ZNF763: variants seen among roughly 807,000 people sequenced by gnomAD.
ZNF763 encodes zinc finger protein 763, also known as DNA-binding protein.
Under a neutral mutation model 38.0 loss-of-function variants are expected in ZNF763, and 33 were observed. That is an observed-to-expected ratio of 0.87 (90% CI 0.66 to 1.16). ZNF763 has a LOEUF of 1.16. Ranked by LOEUF, ZNF763 falls within the 50% of genes most tolerant of loss-of-function variation. The pLI is 0.00. For synonymous variants in ZNF763, 155 were observed against 160.1 expected (o/e 0.97, Z 0.24); for missense variants, 423 against 469.1 (o/e 0.90, Z 0.91).
intron 2 of ZNF763, 34 bp from the exon 3 acceptor site, chr19:11,977,337 G>A: frequency 6.2e-7 from 1 of 1,610,950 alleles, no homozygotes; most frequent in Non-Finnish European, 8.5e-7. Context: ...GTTTTATATT[G>A]CTTCAGGACT....
In ZNF763 at chr19:11,965,066, C is replaced by T; in HGVS notation, c.-143C>T. On this transcript the variant is annotated 5_prime_UTR_variant, in exon 1 of 4. Transcript: ENST00000358987. ...TGTCCTCACCTTTGTCCTTGCGCAG[C>T]CGGTGGTTGATATCCGCTGTATCCA... 9.5e-7 allele frequency: 1 copy of T among 1,050,058 alleles called. No homozygotes were observed. The highest frequency in any genetic ancestry group is 1.6e-5 in the African/African-American group (1 of 62,930). 65.0% of individuals were successfully genotyped at this position (1,050,058 alleles called of 1,614,324 possible).
chr19:11,977,985 T>C, intron 3 of ZNF763, 131 bp from the exon 4 acceptor site: 1 of 1,139,106 alleles, frequency 8.8e-7, no homozygotes, highest in Non-Finnish European at 1.2e-6. Flanking sequence ...TGTTGTCCAT[T>C]TACCTTCAAA....
chr19:11,977,984 T>C (rs1973532647), intron 3 of ZNF763, 132 bp from the exon 4 acceptor site: 2 of 1,131,870 alleles, frequency 1.8e-6, no homozygotes, highest in East Asian at 2.4e-5. Context: ...ATGTTGTCCA[T>C]TTACCTTCAA....
Position 11,965,152 on chromosome 19 carries a change from C to T in ZNF763, c.-57C>T, listed in dbSNP as rs1007764555. 4 of 1,612,082 alleles carry T rather than the reference C, an allele frequency of 2.5e-6. No individual in the cohort carries two copies. Among genetic ancestry groups the T allele is most frequent in the Non-Finnish European group, 3.4e-6 (4 of 1,178,342 alleles). On this transcript the variant is annotated 5_prime_UTR_variant, in exon 1 of 4. Coordinates refer to ENST00000358987, the MANE Select transcript of ZNF763 (RefSeq NM_001367172.2). Reference sequence around the variant, plus strand: ...CTATCGCTCTGTCTCCTGCGCTGTGCCCTTCTGTAGTCACAGGAGCTGTAG... The same window carrying T: ...CTATCGCTCTGTCTCCTGCGCTGTGTCCTTCTGTAGTCACAGGAGCTGTAG...
At chr19:11,977,594 C>T (rs938568469) in intron 3 of ZNF763, among the ~76,000 whole-genome samples, 163 bp downstream of exon 3, 2 of 152,212 alleles carry the variant, frequency 1.3e-5, no homozygotes, top group East Asian at 1.9e-4. Context: ...TCTGAGGGCT[C>T]ACTCCTGTAA....
Position 11,978,507 on chromosome 19 carries a change from A to G in ZNF763, c.583A>G (p.Ser195Gly), listed in dbSNP as rs781363401. The change falls in exon 4 of 4, where the codon AGT (serine) becomes GGT (glycine). Residue 195 changes from serine (S) to glycine (G), a missense_variant. Coordinates refer to ENST00000358987, the MANE Select transcript of ZNF763 (RefSeq NM_001367172.2). ...CATTCGAAGACGCATGGTAATGCAC[A>G]GTGGGGATGGACCTTATAAATGTAA... The part of the protein sequence containing the change: ...SGIRRRMVMH[S>G]GDGPYKCKFC... The G allele has an allele frequency of 1.9e-6, 3 of 1,614,226 alleles. No individual in the cohort carries two copies. The highest frequency in any genetic ancestry group is 2.5e-6 in the Non-Finnish European group (3 of 1,180,034).
In ZNF763 at chr19:11,979,398, A is replaced by G; in HGVS notation, c.*289A>G. ...GGGAAAGCCTTCAGATCTGCCTCAC[A>G]CCTTCAAATTCATGAAAGGACACAA... is the stretch of plus-strand genomic sequence containing the variant. On this transcript the variant is annotated 3_prime_UTR_variant, in exon 4 of 4. Transcript: ENST00000358987. 1.9e-6 allele frequency: 3 copies of G among 1,608,580 alleles called. No individual in the cohort carries two copies. Among genetic ancestry groups the G allele is most frequent in the Non-Finnish European group, 1.7e-6 (2 of 1,177,582 alleles).
intron 1 of ZNF763, among the ~76,000 whole-genome samples, chr19:11,974,107 TTC>T (rs1973416709): frequency 2.1e-5 from 2 of 95,344 alleles, no homozygotes; most frequent in South Asian, 3.4e-4. Context: ...CTTTCTTTCT[TTC>T]TTTCTTTCTT....
chr19:11,971,458 C>G (rs939320364), intron 1 of ZNF763, among the ~76,000 whole-genome samples: 2 of 152,090 alleles, frequency 1.3e-5, no homozygotes, highest in African/African-American at 4.8e-5. Context: ...TGCCGTAACA[C>G]CCTCCAACCA....
At position 11,979,737 on chromosome 19, in the gene ZNF763, T is replaced by C; in HGVS notation, c.*628T>C. 1.3e-6 allele frequency: 2 copies of C among 1,596,470 alleles called. No individual in the cohort carries two copies. The highest frequency in any genetic ancestry group is 3.4e-5 in the Admixed American group (2 of 59,584). ...GAGTGTAAGCAATGTGGGAAAGCCT[T>C]CAGATCTGCCCCACACCTTCGAATC... On this transcript the variant is annotated 3_prime_UTR_variant, in exon 4 of 4. Transcript: ENST00000358987.
chr19:11,970,411 C>T (rs1258024236), intron 1 of ZNF763, among the ~76,000 whole-genome samples: 1 of 152,170 alleles, frequency 6.6e-6, no homozygotes, highest in Non-Finnish European at 1.5e-5. Flanking sequence ...GTAAAGTTTT[C>T]TTCTGTTATA....
intron 1 of ZNF763, among the ~76,000 whole-genome samples, chr19:11,965,560 G>T (rs929568517): frequency 1.3e-5 from 2 of 152,236 alleles, no homozygotes; most frequent in Admixed American, 1.3e-4. Flanking sequence ...CGTGGGAGGA[G>T]CAGTGGTCTG....
chr19:11,968,256 A>C (rs932925812), intron 1 of ZNF763, among the ~76,000 whole-genome samples: 1 of 149,376 alleles, frequency 6.7e-6, no homozygotes. Flanking sequence ...CAATAATTTA[A>C]TTTTTTTTTT....
At chr19:11,974,790 A>C (rs1009274569) in intron 1 of ZNF763, among the ~76,000 whole-genome samples, 5 of 152,088 alleles carry the variant, frequency 3.3e-5, no homozygotes, top group Non-Finnish European at 7.4e-5. Context: ...TTTAGTAGAA[A>C]TGGAGTTACA....
chr19:11,975,080 G>A (rs35510166), intron 1 of ZNF763, among the ~76,000 whole-genome samples: 178 of 152,024 alleles, frequency 1.2e-3, no homozygotes, highest in Non-Finnish European at 2.1e-3. Flanking sequence ...TCATAGTACG[G>A]GCCAAGATGT....
chr19:11,973,349 T>C (rs747411869), intron 1 of ZNF763, among the ~76,000 whole-genome samples: 17 of 152,220 alleles, frequency 1.1e-4, no homozygotes, highest in Non-Finnish European at 2.5e-4. Context: ...CTTGAAGGTC[T>C]CTCGATACCT....
intron 1 of ZNF763, among the ~76,000 whole-genome samples, chr19:11,975,262 G>C (rs1190641112): frequency 6.6e-6 from 1 of 151,526 alleles, no homozygotes; most frequent in Non-Finnish European, 1.5e-5. Flanking sequence ...GTAAAGATGG[G>C]GTTTCTCCAT....
chr19:11,967,305 C>A (rs1360928736), intron 1 of ZNF763, among the ~76,000 whole-genome samples: 1 of 152,098 alleles, frequency 6.6e-6, no homozygotes, highest in Non-Finnish European at 1.5e-5. Flanking sequence ...CCACTGCACT[C>A]CAGTGTGGGT....
intron 1 of ZNF763, among the ~76,000 whole-genome samples, 165 bp downstream of exon 1, chr19:11,965,376 C>G (rs899349902): frequency 6.6e-6 from 1 of 152,210 alleles, no homozygotes; most frequent in Admixed American, 6.5e-5. Context: ...CTGGATGGGG[C>G]TGGGCTGGCA....
Sources: gnomAD v4.1 joint callset for allele counts (sites outside exome capture counted in the v4.1 genomes callset) on GRCh38, gnomAD v4.1.1 for gene constraint, MANE v1.5 for transcripts, NCBI Gene and HGNC (gene_info 2026-07-23, HGNC 2026-07-21) for gene names.